OSBPL3: variants seen among roughly 807,000 people sequenced by gnomAD.
OSBPL3 encodes the protein oxysterol binding protein like 3, also known as oxysterol-binding protein-related protein 3.
A neutral mutation model predicts 120.1 loss-of-function variants in OSBPL3; 65 were observed. The ratio of observed to expected loss-of-function variants is 0.54; its 90% CI spans 0.44 to 0.67. The LOEUF is 0.67. OSBPL3 is among the 30% of genes least tolerant of loss of function. OSBPL3 has a pLI of 0.00. For missense variants in OSBPL3, 1,004 were observed against 1,082.1 expected (o/e 0.93, Z 1.01); for synonymous variants, 416 against 402.6 (o/e 1.03, Z -0.40).
intron 1 of OSBPL3, among the ~76,000 whole-genome samples, chr7:24,969,665 A>C (rs1816782725): frequency 6.6e-6 from 1 of 152,046 alleles, no homozygotes; most frequent in Non-Finnish European, 1.5e-5. Flanking sequence ...TTGTGGAATC[A>C]TCTTTGCCTT....
chr7:24,800,560 G>A (rs531295918), intron 22 of OSBPL3, among the ~76,000 whole-genome samples: 28 of 148,082 alleles, frequency 1.9e-4, no homozygotes, highest in African/African-American at 6.7e-4. Flanking sequence ...AGGTTCAATC[G>A]ATTCTCCTGC....
intron 1 of OSBPL3, among the ~76,000 whole-genome samples, chr7:24,935,920 A>C (rs1016427471): frequency 6.6e-6 from 1 of 152,068 alleles, no homozygotes; most frequent in African/African-American, 2.4e-5. Context: ...TTTAGGGTAC[A>C]TGTGCACAAT....
chr7:24,945,038 C>T (rs1188440530), intron 1 of OSBPL3, among the ~76,000 whole-genome samples: 4 of 152,154 alleles, frequency 2.6e-5, no homozygotes, highest in Non-Finnish European at 1.5e-5. Flanking sequence ...GGTGGCAAAC[C>T]CTACTCAAAA....
intron 2 of OSBPL3, among the ~76,000 whole-genome samples, chr7:24,884,090 A>G (rs1804112242): frequency 1.1e-5 from 1 of 88,544 alleles, no homozygotes; most frequent in African/African-American, 6.5e-5. Flanking sequence ...AACAGCAACA[A>G]CAAAAAAAAA....
In OSBPL3 at chr7:24,940,975, G is replaced by A. The variant is rs1188755236; in HGVS notation, c.-150+38911C>T. ...GCTGGGACTACAGGCTCCTGCCACT[G>A]CGTCCAGCTAATTTTTTGTATTTTT... On this transcript the variant is annotated intron_variant, in intron 1 of 22. Transcript: ENST00000313367. The surrounding 1 kb of genome is among the most constrained non-coding windows in gnomAD (Gnocchi z 4.4). Among the ~76,000 whole-genome samples the A allele has an allele frequency of 6.6e-6, 1 of 151,874 alleles. No individual in the cohort carries two copies. Among genetic ancestry groups the A allele is most frequent in the Non-Finnish European group, 1.5e-5 (1 of 67,962 alleles).
rs373542330 is a variant in OSBPL3 at position 24,825,681 on chromosome 7, G to A, written c.1884+5087C>T. 1.5e-4 allele frequency among the ~76,000 whole-genome samples: 23 copies of A among 152,296 alleles called. 1 individual carries two copies. The highest frequency in any genetic ancestry group is 7.8e-4 in the Admixed American group (12 of 15,292). On this transcript the variant is annotated intron_variant, in intron 16 of 22. Transcript: ENST00000313367. ...CAGTAATAAATAACTCTGCTAACTA[G>A]TAGATACAAGGACTATGCAGAGGTG...
intron 1 of OSBPL3, among the ~76,000 whole-genome samples, chr7:24,909,783 C>CTTTTTTTTTTTTTTTTTTTT (rs10591188): frequency 1.7e-4 from 13 of 77,294 alleles, no homozygotes; most frequent in Non-Finnish European, 2.7e-4. Flanking sequence ...TTTTTTCTTT[C>CTTTTTTTTTTTTTTTTTTTT]TTTTTTTTTT....
rs1584680519 is a variant in OSBPL3 at position 24,938,834 on chromosome 7, T to TGTGTGTGTGTGTGTG, written c.-150+41051_-150+41052insCACACACACACACAC. 1.4e-5 allele frequency among the ~76,000 whole-genome samples: 2 copies of TGTGTGTGTGTGTGTG among 142,964 alleles called. No individual in the cohort carries two copies. The highest frequency in any genetic ancestry group is 5.1e-5 in the African/African-American group (2 of 38,836). 93.8% of individuals were successfully genotyped at this position (142,964 alleles called of 152,430 possible). On this transcript the variant is annotated intron_variant, in intron 1 of 22. Transcript: ENST00000313367. The surrounding 1 kb of genome is among the most constrained non-coding windows in gnomAD (Gnocchi z 5.8). ...GTGTGTGTGTGTGTGTGTGTGTGTG[T>TGTGTGTGTGTGTGTG]TTTGAGAGCAAAACTAATGTGGCCA...
At position 24,802,604 on chromosome 7, in the gene OSBPL3, G is replaced by T. The variant is rs1792509355; in HGVS notation, c.2567+1711C>A. On this transcript the variant is annotated intron_variant, in intron 22 of 22. Coordinates refer to ENST00000313367, the MANE Select transcript of OSBPL3 (RefSeq NM_015550.4). This position sits in a 1 kb window ranked among gnomAD's most constrained non-coding sequence, Gnocchi z 4.1. ...AGCAGAGCTCCACAGGCTTCGTAAGGTCATCCTTAATGCCTCATGTTGGAT... is the reference window on the plus strand; with the variant it reads ...AGCAGAGCTCCACAGGCTTCGTAAGTTCATCCTTAATGCCTCATGTTGGAT... 6.6e-6 allele frequency among the ~76,000 whole-genome samples: 1 copy of T among 152,180 alleles called. No individual in the cohort carries two copies. The highest frequency in any genetic ancestry group is 6.5e-5 in the Admixed American group (1 of 15,280).
At chr7:24,962,576 T>A (rs1009189340) in intron 1 of OSBPL3, among the ~76,000 whole-genome samples, 6 of 151,830 alleles carry the variant, frequency 4.0e-5, no homozygotes, top group Middle Eastern at 3.2e-3. Context: ...ACGACCCAGG[T>A]GGGAACAACC....
At chr7:24,842,567 C>A (rs367714699) in intron 12 of OSBPL3, among the ~76,000 whole-genome samples, 154 bp from the exon 13 acceptor site, 1 of 152,200 alleles carries the variant, frequency 6.6e-6, no homozygotes, top group East Asian at 1.9e-4. Flanking sequence ...ATGCGAGCCT[C>A]ATGCAAAACA....
At chr7:24,970,497 C>T (rs952370403) in intron 1 of OSBPL3, among the ~76,000 whole-genome samples, 9 of 152,152 alleles carry the variant, frequency 5.9e-5, no homozygotes, top group African/African-American at 1.9e-4. Context: ...CCTCACTCCT[C>T]CTGAGCTCCT....
chr7:24,970,101 TTTC>T (rs1816832607), intron 1 of OSBPL3, among the ~76,000 whole-genome samples: 3 of 126,888 alleles, frequency 2.4e-5, no homozygotes, highest in Non-Finnish European at 3.2e-5. Flanking sequence ...CCTTCGTCCC[TTTC>T]TTTTTTTTTT....
chr7:24,907,622 C>A (rs1201508250), intron 1 of OSBPL3, among the ~76,000 whole-genome samples: 1 of 152,214 alleles, frequency 6.6e-6, no homozygotes, highest in Non-Finnish European at 1.5e-5. Context: ...ACCCTCCTAA[C>A]CCACTTTCTC....
At chr7:24,931,829 G>GA (rs760041414) in intron 1 of OSBPL3, among the ~76,000 whole-genome samples, 1 of 152,120 alleles carries the variant, frequency 6.6e-6, no homozygotes, top group Non-Finnish European at 1.5e-5. Flanking sequence ...ATTTTCTGAT[G>GA]AACAACAAAC....
intron 1 of OSBPL3, among the ~76,000 whole-genome samples, chr7:24,977,378 T>C (rs1036292381): frequency 3.9e-5 from 6 of 152,180 alleles, no homozygotes; most frequent in African/African-American, 1.4e-4. Flanking sequence ...GTTTTAATAT[T>C]TGTATCACTG....
In OSBPL3 at chr7:24,834,819, T is replaced by C. The variant is rs952305352; in HGVS notation, c.1496-83A>G. ...TTTAATCCACGAATAAAACCTTACGTAGCAAGTAGTCAATGTTACTATTAA... is the reference window on the plus strand; with the variant it reads ...TTTAATCCACGAATAAAACCTTACGCAGCAAGTAGTCAATGTTACTATTAA... On this transcript the variant is annotated intron_variant, in intron 14 of 22. Transcript: ENST00000313367. The surrounding 1 kb of genome is among the most constrained non-coding windows in gnomAD (Gnocchi z 5.2). 37 of 1,229,470 alleles carry C rather than the reference T, an allele frequency of 3.0e-5. No individual in the cohort carries two copies. In the African/African-American group the frequency reaches 5.2e-4, roughly 17 times the overall value. 76.2% of individuals were successfully genotyped at this position (1,229,470 alleles called of 1,614,324 possible). A position where few individuals can be genotyped will look rare whatever the true frequency, so the allele number is the denominator to read the frequency against.
In OSBPL3 at chr7:24,824,551, G is replaced by A. The variant is rs1198203602; in HGVS notation, c.1885-4313C>T. 6.6e-6 allele frequency among the ~76,000 whole-genome samples: 1 copy of A among 152,146 alleles called. No individual in the cohort carries two copies. Among genetic ancestry groups the A allele is most frequent in the Non-Finnish European group, 1.5e-5 (1 of 68,034 alleles). Reference sequence around the variant, plus strand: ...TAACGAAAAAGAGGGCAAGTGCCAGGTGAAGAAGTCATCCAGAGAGGGGAC... The same window carrying A: ...TAACGAAAAAGAGGGCAAGTGCCAGATGAAGAAGTCATCCAGAGAGGGGAC... On this transcript the variant is annotated intron_variant, in intron 16 of 22. Coordinates refer to ENST00000313367, the MANE Select transcript of OSBPL3 (RefSeq NM_015550.4). This position sits in a 1 kb window ranked among gnomAD's most constrained non-coding sequence, Gnocchi z 4.9.
Position 24,899,287 on chromosome 7 carries a change from C to A in OSBPL3, c.-149-6666G>T, listed in dbSNP as rs1183030897. Among the ~76,000 whole-genome samples the A allele has an allele frequency of 1.3e-5, 2 of 152,178 alleles. No individual in the cohort carries two copies. Among genetic ancestry groups the A allele is most frequent in the Non-Finnish European group, 2.9e-5 (2 of 68,030 alleles). On this transcript the variant is annotated intron_variant, in intron 1 of 22. Transcript: ENST00000313367. The surrounding 1 kb of genome is among the most constrained non-coding windows in gnomAD (Gnocchi z 4.0). ...GACAATCTTCCTGGCCTCAACCACA[C>A]TGCAACTGTTAATACTGCTGGATTT...
Sources: gnomAD v4.1 joint callset for allele counts (sites outside exome capture counted in the v4.1 genomes callset) on GRCh38, gnomAD v4.1.1 for gene constraint, Gnocchi (gnomAD v3.1) non-coding constraint, MANE v1.5 for transcripts, NCBI Gene and HGNC (gene_info 2026-07-23, HGNC 2026-07-21) for gene names.